SLX4IP: variants seen among roughly 807,000 people sequenced by gnomAD.
SLX4IP encodes the protein protein SLX4IP.
In SLX4IP, 34 loss-of-function variants were observed where a neutral mutation model predicts 32.9. The ratio of observed to expected loss-of-function variants is 1.03; its 90% CI spans 0.79 to 1.38. The LOEUF (loss-of-function observed/expected upper bound fraction) is 1.38. SLX4IP is among the 40% of genes most tolerant of loss of function. The pLI is 0.00. For missense variants in SLX4IP, 444 were observed against 479.0 expected (o/e 0.93, Z 0.68); for synonymous variants, 172 against 171.7 (o/e 1.00, Z -0.01).
rs945431995 is a variant in SLX4IP at position 10,624,591 on chromosome 20, T to A, written c.*1212T>A. 6.6e-6 allele frequency: 1 copy of A among 151,692 alleles called. No homozygotes were observed. The highest frequency in any genetic ancestry group is 1.5e-5 in the Non-Finnish European group (1 of 67,944). The allele number at this position is 151,692 out of a possible 1,614,324, so 9.4% of individuals were successfully genotyped here. On this transcript the variant is annotated 3_prime_UTR_variant, in exon 8 of 8. Coordinates refer to ENST00000334534, the MANE Select transcript of SLX4IP (RefSeq NM_001009608.3). ...TTTTTTTCTGTTCAACATGGGGTGG[T>A]CCTTTGAAATGGCACCTCCCCTAAG...
intron 2 of SLX4IP, among the ~76,000 whole-genome samples, chr20:10,533,997 TTA>T (rs2066014450): frequency 6.6e-6 from 1 of 152,126 alleles, no homozygotes; most frequent in East Asian, 1.9e-4. Flanking sequence ...TTTCCTTTGG[TTA>T]TGAGTTCCCA....
At position 10,447,273 on chromosome 20, in the gene SLX4IP, C is replaced by T. The variant is rs541551870; in HGVS notation, c.-29-10903C>T. Reference sequence around the variant, plus strand: ...TGCCCCCTCTGCCTGTTTGTCTGCCCGTTTGCCAGTACGTTAGTTTTTTTA... The same window carrying T: ...TGCCCCCTCTGCCTGTTTGTCTGCCTGTTTGCCAGTACGTTAGTTTTTTTA... On this transcript the variant is annotated intron_variant, in intron 1 of 7. Coordinates refer to ENST00000334534, the MANE Select transcript of SLX4IP (RefSeq NM_001009608.3). Among the ~76,000 whole-genome samples, 36 of 144,584 alleles carry T rather than the reference C, an allele frequency of 2.5e-4. 1 individual carries two copies. Among genetic ancestry groups the T allele is most frequent in the African/African-American group, 8.6e-4 (35 of 40,924 alleles). The allele number at this position is 144,584 out of a possible 152,430, so 94.9% of individuals were successfully genotyped here.
chr20:10,477,898 CT>C (rs35993699), intron 2 of SLX4IP, among the ~76,000 whole-genome samples: 4,815 of 129,706 alleles, frequency 0.037, 99 homozygotes, highest in Admixed American at 0.1. Flanking sequence ...TACAATCTCC[CT>C]TTTTTTTTTT....
chr20:10,625,121 G>T lies in SLX4IP; in HGVS notation c.*1742G>T, dbSNP rs960825352. 3 of 152,218 alleles carry T rather than the reference G, an allele frequency of 2.0e-5. No individual in the cohort carries two copies. The highest frequency in any genetic ancestry group is 4.8e-5 in the African/African-American group (2 of 41,566). The allele number at this position is 152,218 out of a possible 1,614,324, so 9.4% of individuals were successfully genotyped here. On this transcript the variant is annotated 3_prime_UTR_variant, in exon 8 of 8. Coordinates refer to ENST00000334534, the MANE Select transcript of SLX4IP (RefSeq NM_001009608.3). ...AGCTGACTCTGCTTATACAATAGGGGTGGGCTGCACAGAGTGGAAACCGAG... is the reference window on the plus strand; with the variant it reads ...AGCTGACTCTGCTTATACAATAGGGTTGGGCTGCACAGAGTGGAAACCGAG...
intron 4 of SLX4IP, among the ~76,000 whole-genome samples, chr20:10,569,925 C>T (rs116969003): frequency 1.3e-5 from 2 of 152,332 alleles, no homozygotes; most frequent in East Asian, 1.9e-4. Context: ...AATATAGTCA[C>T]ATCCTGAGGT....
intron 2 of SLX4IP, among the ~76,000 whole-genome samples, chr20:10,503,829 A>G (rs1343209090): frequency 6.6e-6 from 1 of 152,040 alleles, no homozygotes; most frequent in Non-Finnish European, 1.5e-5. Context: ...ATGCATTGCA[A>G]TCTTTGCCTC....
intron 2 of SLX4IP, among the ~76,000 whole-genome samples, chr20:10,478,403 T>C (rs2065492552): frequency 6.6e-6 from 1 of 152,188 alleles, no homozygotes; most frequent in Admixed American, 6.5e-5. Context: ...TTGAGTAATT[T>C]GCTCAGTTGG....
intron 1 of SLX4IP, among the ~76,000 whole-genome samples, chr20:10,450,129 C>G (rs2065230340): frequency 6.6e-6 from 1 of 152,058 alleles, no homozygotes; most frequent in Non-Finnish European, 1.5e-5. Flanking sequence ...TCTATCTGTC[C>G]TTCAGGAAAA....
intron 4 of SLX4IP, among the ~76,000 whole-genome samples, chr20:10,590,759 T>C (rs997201649): frequency 1.3e-5 from 2 of 152,118 alleles, no homozygotes; most frequent in African/African-American, 4.8e-5. Flanking sequence ...TTATTTAGCT[T>C]AGAATAAATG....
chr20:10,539,318 G>A (rs1374603753), intron 2 of SLX4IP, among the ~76,000 whole-genome samples: 1 of 152,164 alleles, frequency 6.6e-6, no homozygotes, highest in Non-Finnish European at 1.5e-5. Flanking sequence ...TTGTAGGATT[G>A]TCATGAAAAT....
intron 1 of SLX4IP, among the ~76,000 whole-genome samples, chr20:10,441,393 C>T (rs979601339): frequency 2.0e-5 from 3 of 152,090 alleles, no homozygotes; most frequent in African/African-American, 7.2e-5. Flanking sequence ...GCCGTGATCA[C>T]GCCACTGCAC....
chr20:10,546,573 T>C (rs2122485259), intron 2 of SLX4IP, among the ~76,000 whole-genome samples: 1 of 152,326 alleles, frequency 6.6e-6, no homozygotes, highest in African/African-American at 2.4e-5. Context: ...TATTTCTTCC[T>C]TGAGCCCTTT....
At chr20:10,469,510 T>G (rs187517757) in intron 2 of SLX4IP, among the ~76,000 whole-genome samples, 2 of 152,340 alleles carry the variant, frequency 1.3e-5, no homozygotes, top group East Asian at 3.8e-4. Context: ...AGACATTATA[T>G]TTTATTTTAA....
At chr20:10,445,568 G>C (rs6133937) in intron 1 of SLX4IP, among the ~76,000 whole-genome samples, 5 of 149,792 alleles carry the variant, frequency 3.3e-5, no homozygotes, top group Admixed American at 2.7e-4. Context: ...GCCCGCCTCA[G>C]CCTCCCAAAG....
chr20:10,486,352 G>T (rs2065574042), intron 2 of SLX4IP, among the ~76,000 whole-genome samples: 1 of 148,572 alleles, frequency 6.7e-6, no homozygotes, highest in East Asian at 2.0e-4. Flanking sequence ...GCACAGAGTG[G>T]TTAGACTATT....
At chr20:10,445,075 T>A (rs555192586) in intron 1 of SLX4IP, among the ~76,000 whole-genome samples, 10 of 152,134 alleles carry the variant, frequency 6.6e-5, no homozygotes, top group African/African-American at 2.4e-4. Context: ...ACTAATTGGG[T>A]TTTGTAAAAG....
intron 2 of SLX4IP, among the ~76,000 whole-genome samples, chr20:10,460,469 A>G (rs1250391658): frequency 6.6e-6 from 1 of 152,216 alleles, no homozygotes; most frequent in Non-Finnish European, 1.5e-5. Flanking sequence ...TACTCAGTGC[A>G]GTTGATGCTG....
At chr20:10,595,342 G>C (rs935318304) in intron 4 of SLX4IP, among the ~76,000 whole-genome samples, 1 of 152,148 alleles carries the variant, frequency 6.6e-6, no homozygotes. Flanking sequence ...AATGTGATTT[G>C]CAAGTGCCTC....
intron 4 of SLX4IP, among the ~76,000 whole-genome samples, chr20:10,593,748 A>G (rs1259137586): frequency 1.3e-5 from 2 of 152,116 alleles, no homozygotes; most frequent in Non-Finnish European, 2.9e-5. Context: ...AAAAAATTCA[A>G]ATGTAGAATG....
Sources: allele counts gnomAD v4.1 joint callset (sites outside exome capture counted in the v4.1 genomes callset), GRCh38; gene constraint gnomAD v4.1.1; transcripts MANE v1.5; gene names NCBI Gene and HGNC (gene_info 2026-07-23, HGNC 2026-07-21).